The following ITPR3 variants were observed in gnomAD, a reference collection of about 807,000 sequenced individuals.
The protein encoded by ITPR3 is inositol 1,4,5-trisphosphate receptor type 3, also known as inositol 1,4,5-trisphosphate-gated calcium channel ITPR3.
Under a neutral mutation model 293.2 loss-of-function variants are expected in ITPR3, and 173 were observed. The observed-to-expected ratio is 0.59, with a 90% CI of 0.52 to 0.67. ITPR3 has a LOEUF of 0.67. Among genes scored for constraint, ITPR3 ranks in the 30% least tolerant of loss-of-function variants. The probability of loss-of-function intolerance (pLI) is 0.00; values close to 1 mark genes in which losing one functional copy is unlikely to be tolerated. For synonymous variants in ITPR3, 1,295 were observed against 1,444.4 expected (o/e 0.90, Z 2.35); for missense variants, 2,796 against 3,592.1 (o/e 0.78, Z 5.66).
Position 33,672,848 on chromosome 6 carries a change from G to T in ITPR3, c.2928+620G>T, listed in dbSNP as rs1418521189. On this transcript the variant is annotated intron_variant, in intron 22 of 57. Transcript: ENST00000605930. This position sits in a 1 kb window ranked among gnomAD's most constrained non-coding sequence, Gnocchi z 5.0. ...CCTATTTCTTGGCAAGGTGGATGCA[G>T]TCATCCCTGTTGTGGTCTCATCTGA... 2.6e-5 allele frequency among the ~76,000 whole-genome samples: 4 copies of T among 152,184 alleles called. No homozygotes were observed. Among genetic ancestry groups the T allele is most frequent in the African/African-American group, 9.7e-5 (4 of 41,440 alleles).
rs7752472 is a variant in ITPR3 at position 33,655,444 on chromosome 6, C to G, written c.161-322C>G. On this transcript the variant is annotated intron_variant, in intron 2 of 57. Coordinates refer to ENST00000605930, the MANE Select transcript of ITPR3 (RefSeq NM_002224.4). The surrounding 1 kb of genome is among the most constrained non-coding windows in gnomAD (Gnocchi z 4.9). ...GTGAGCTGTTAGCTGCCAATACTCA[C>G]AAAAGCTGGGCACAGACATGGCATA... Among the ~76,000 whole-genome samples the G allele has an allele frequency of 0.047, 7,149 of 152,236 alleles. 221 individuals carry two copies. Among genetic ancestry groups the G allele is most frequent in the East Asian group, 0.14 (735 of 5,172 alleles).
intron 28 of ITPR3, among the ~76,000 whole-genome samples, chr6:33,677,928 G>A (rs1033012243): frequency 6.6e-6 from 1 of 152,000 alleles, no homozygotes; most frequent in African/African-American, 2.4e-5. Context: ...GATAATCTCA[G>A]CTTCATCTCA....
Position 33,666,143 on chromosome 6 carries a change from C to T in ITPR3, c.1551+167C>T, listed in dbSNP as rs1345604084. Among the ~76,000 whole-genome samples, 3 of 152,208 alleles carry T rather than the reference C, an allele frequency of 2.0e-5. No individual in the cohort carries two copies. The highest frequency in any genetic ancestry group is 2.1e-4 in the South Asian group (1 of 4,834). On this transcript the variant is annotated intron_variant, in intron 14 of 57. Coordinates refer to ENST00000605930, the MANE Select transcript of ITPR3 (RefSeq NM_002224.4). This position sits in a 1 kb window ranked among gnomAD's most constrained non-coding sequence, Gnocchi z 5.1. ...CACATGTGTTGACGAATTTGATCCTCACTGCCTGGAGGAGGCGCCGTGATT... is the reference window on the plus strand; with the variant it reads ...CACATGTGTTGACGAATTTGATCCTTACTGCCTGGAGGAGGCGCCGTGATT...
chr6:33,648,177 C>A (rs971434945), intron 2 of ITPR3, among the ~76,000 whole-genome samples: 6 of 151,836 alleles, frequency 4.0e-5, no homozygotes, highest in African/African-American at 1.5e-4. Context: ...GCCATCCTCC[C>A]ACCTCAGCCT....
Position 33,684,968 on chromosome 6 carries a change from A to G in ITPR3, c.5307+25A>G, listed in dbSNP as rs1334203491. On this transcript the variant is annotated intron_variant, in intron 39 of 57. Coordinates refer to ENST00000605930, the MANE Select transcript of ITPR3 (RefSeq NM_002224.4). This position sits in a 1 kb window ranked among gnomAD's most constrained non-coding sequence, Gnocchi z 4.2. ...GGTGTGGGGGGCCTGGGGCCTGGAC[A>G]TGCCCTCCTTTGCCTCCCTCCCTTT... 2 of 1,585,760 alleles carry G rather than the reference A, an allele frequency of 1.3e-6. No homozygotes were observed. The highest frequency in any genetic ancestry group is 2.2e-5 in the East Asian group (1 of 44,528).
chr6:33,659,010 T>TG lies in ITPR3; in HGVS notation c.529-10dup. The TG allele has an allele frequency of 6.2e-7, 1 of 1,614,010 alleles. No homozygotes were observed. ...CCCTTCCCACCTAACCTGTCCCACC[T>TG]GTCTGCTCAGGTGGTCGTGGGGGAC... On this transcript the variant is annotated splice_polypyrimidine_tract_variant and intron_variant, in intron 5 of 57. Transcript: ENST00000605930.
Position 33,663,857 on chromosome 6 carries a change from GA to G in ITPR3, c.1129del (p.Thr377ProfsTer132). ...LFELDPTTLQKTDSFVPRNSY... is the reference protein window; with the variant it reads ...LFELDPTTLQXTDSFVPRNSY... ...TTGAGCTGGACCCCACCACCTTGCA[GA>G]AAACCGACTCTTTCGTGCCCCGGTG... On this transcript the variant is annotated frameshift_variant, in exon 11 of 58. Transcript: ENST00000605930. LOFTEE classifies it high-confidence loss of function. The G allele has an allele frequency of 6.2e-7, 1 of 1,614,112 alleles. No homozygotes were observed. Among genetic ancestry groups the G allele is most frequent in the Non-Finnish European group, 8.5e-7 (1 of 1,179,976 alleles).
rs1764715844 is a variant in ITPR3, at chr6:33,670,111, T to C, written c.2190-214T>C. Among the ~76,000 whole-genome samples the C allele has an allele frequency of 6.6e-6, 1 of 152,182 alleles. No homozygotes were observed. Among genetic ancestry groups the C allele is most frequent in the African/African-American group, 2.4e-5 (1 of 41,442 alleles). On this transcript the variant is annotated intron_variant, in intron 18 of 57. Coordinates refer to ENST00000605930, the MANE Select transcript of ITPR3 (RefSeq NM_002224.4). This position sits in a 1 kb window ranked among gnomAD's most constrained non-coding sequence, Gnocchi z 6.7. ...ACGTCCCTCTTCCCATGAAGACCTGTCCTGGCTGAGCCTTAGCCAGGAGGG... is the reference window on the plus strand; with the variant it reads ...ACGTCCCTCTTCCCATGAAGACCTGCCCTGGCTGAGCCTTAGCCAGGAGGG...
At position 33,634,233 on chromosome 6, in the gene ITPR3, T is replaced by TTTA. The variant is rs754061452; in HGVS notation, c.90-6249_90-6247dup. Among the ~76,000 whole-genome samples the TTTA allele has an allele frequency of 4.0e-5, 6 of 149,730 alleles. No homozygotes were observed. The East Asian group carries it at 5.9e-4, about 15-fold the overall frequency. On this transcript the variant is annotated intron_variant, in intron 1 of 57. Coordinates refer to ENST00000605930, the MANE Select transcript of ITPR3 (RefSeq NM_002224.4). Reference sequence around the variant, plus strand: ...CAAACATCTGCCCAGGGCCACCTTCTTTATCTACACACACCAGGTGGGGGC... The same window carrying TTTA: ...CAAACATCTGCCCAGGGCCACCTTCTTTATTATCTACACACACCAGGTGGGGGC...
At chr6:33,694,881 G>A in intron 56 of ITPR3, 43 bp from the exon 57 acceptor site, 1 of 1,613,440 alleles carries the variant, frequency 6.2e-7, no homozygotes, top group Non-Finnish European at 8.5e-7. Flanking sequence ...GGCCTTTCTA[G>A]GCCGGGCCCA....
At chr6:33,652,031 C>T (rs1164537771) in intron 2 of ITPR3, among the ~76,000 whole-genome samples, 1 of 152,150 alleles carries the variant, frequency 6.6e-6, no homozygotes. Flanking sequence ...AAGTAGCTGA[C>T]AATCCCCAGG....
In ITPR3 at chr6:33,687,660, A is replaced by G. The variant is rs1174492704; in HGVS notation, c.6264+96A>G. Reference sequence around the variant, plus strand: ...GTGGCCTGGAACAGAGTGAGGCCCTAGAATATGAGCCAGGCTAGAATTTGG... The same window carrying G: ...GTGGCCTGGAACAGAGTGAGGCCCTGGAATATGAGCCAGGCTAGAATTTGG... On this transcript the variant is annotated intron_variant, in intron 46 of 57. Coordinates refer to ENST00000605930, the MANE Select transcript of ITPR3 (RefSeq NM_002224.4). This position sits in a 1 kb window ranked among gnomAD's most constrained non-coding sequence, Gnocchi z 5.3. 1.0e-6 allele frequency: 1 copy of G among 978,770 alleles called. No individual in the cohort carries two copies. 60.6% of individuals were successfully genotyped at this position (978,770 alleles called of 1,614,324 possible). A position where few individuals can be genotyped will look rare whatever the true frequency, so the allele number is the denominator to read the frequency against.
rs1441809502 is a variant in ITPR3, at chr6:33,667,152, G to A, written c.1575G>A (p.Pro525=). The part of the protein sequence containing the change: ...LKQVFGILKA[P]FREKGGEGPL... Reference sequence around the variant, plus strand: ...AGGTCTTTGGCATTCTGAAGGCCCCGTTCCGTGAGAAGGGGGGTGAAGGTC... The same window carrying A: ...AGGTCTTTGGCATTCTGAAGGCCCCATTCCGTGAGAAGGGGGGTGAAGGTC... The change falls in exon 15 of 58, where the codon CCG becomes CCA. Residue 525 remains proline, a synonymous_variant. Transcript: ENST00000605930. The surrounding 1 kb of genome is among the most constrained non-coding windows in gnomAD (Gnocchi z 4.4). 7 of 1,614,140 alleles carry A rather than the reference G, an allele frequency of 4.3e-6. No homozygotes were observed. The highest frequency in any genetic ancestry group is 3.3e-4 in the Middle Eastern group (2 of 6,062).
At position 33,670,379 on chromosome 6, in the gene ITPR3, C is replaced by T. The variant is rs772253428; in HGVS notation, c.2244C>T (p.Ile748=). 6.2e-6 allele frequency: 10 copies of T among 1,613,990 alleles called. No individual in the cohort carries two copies. The Admixed American group carries it at 1.0e-4, about 16-fold the overall frequency. The change falls in exon 19 of 58, where the codon ATC becomes ATT. Residue 748 remains isoleucine, a synonymous_variant. Coordinates refer to ENST00000605930, the MANE Select transcript of ITPR3 (RefSeq NM_002224.4). This position sits in a 1 kb window ranked among gnomAD's most constrained non-coding sequence, Gnocchi z 6.7. ...GCTTGGACCGCCAGTACTTGGCCATCGACGAGATCTCCCAGCAGCTGGGCG... is the reference window on the plus strand; with the variant it reads ...GCTTGGACCGCCAGTACTTGGCCATTGACGAGATCTCCCAGCAGCTGGGCG... ...RMCLDRQYLA[I]DEISQQLGVD... is the part of the protein sequence containing the mutation.
chr6:33,684,745 G>A lies in ITPR3; in HGVS notation c.5138-29G>A, dbSNP rs748906919. 1 of 1,610,144 alleles carries A rather than the reference G, an allele frequency of 6.2e-7. No homozygotes were observed. The highest frequency in any genetic ancestry group is 1.7e-5 in the Admixed American group (1 of 59,878). ...TCCCTTCCACTCTCCTGTCACACCAGCTCTCCCTCAACCGAGTCCCGCCTC... is the reference window on the plus strand; with the variant it reads ...TCCCTTCCACTCTCCTGTCACACCAACTCTCCCTCAACCGAGTCCCGCCTC... On this transcript the variant is annotated intron_variant, in intron 38 of 57. Transcript: ENST00000605930. The surrounding 1 kb of genome is among the most constrained non-coding windows in gnomAD (Gnocchi z 4.2).
At position 33,667,314 on chromosome 6, in the gene ITPR3, A is replaced by G. The variant is rs775261832; in HGVS notation, c.1713+24A>G. ...AGGTGCGCCGCTGCCCTGCTGGCCC[A>G]CTCGCTGGCTGCACGTTCCTTCCTC... On this transcript the variant is annotated intron_variant, in intron 15 of 57. Transcript: ENST00000605930. The surrounding 1 kb of genome is among the most constrained non-coding windows in gnomAD (Gnocchi z 4.4). 1.9e-6 allele frequency: 3 copies of G among 1,604,752 alleles called. No individual in the cohort carries two copies. The highest frequency in any genetic ancestry group is 4.5e-5 in the East Asian group (2 of 44,536).
Position 33,692,171 on chromosome 6 carries a change from TA to T in ITPR3, c.7458+244del, listed in dbSNP as rs930246171. ...TGGCAACCAAACTTTGCCCCAGGGC[TA>T]GGGATGGTGACCACTGGCTTTCCTA... On this transcript the variant is annotated intron_variant, in intron 54 of 57. Transcript: ENST00000605930. The surrounding 1 kb of genome is among the most constrained non-coding windows in gnomAD (Gnocchi z 4.2). Among the ~76,000 whole-genome samples the T allele has an allele frequency of 5.3e-5, 8 of 152,234 alleles. No homozygotes were observed. Among genetic ancestry groups the T allele is most frequent in the African/African-American group, 1.9e-4 (8 of 41,462 alleles).
intron 2 of ITPR3, among the ~76,000 whole-genome samples, chr6:33,648,459 C>G (rs776080252): frequency 4.6e-4 from 70 of 152,222 alleles, no homozygotes; most frequent in Non-Finnish European, 8.4e-4. Context: ...TCCATTGCCC[C>G]CCTCATCCTC....
At chr6:33,659,637 C>T in intron 7 of ITPR3, 88 bp downstream of exon 7, 1 of 1,130,302 alleles carries the variant, frequency 8.8e-7, no homozygotes, top group Admixed American at 1.8e-5. Context: ...CCCGCCAGGC[C>T]TCAGGCCCTT....
Sources: allele counts gnomAD v4.1 joint callset (sites outside exome capture counted in the v4.1 genomes callset), GRCh38; gene constraint gnomAD v4.1.1; non-coding constraint Gnocchi (gnomAD v3.1); transcripts MANE v1.5; gene names NCBI Gene and HGNC (gene_info 2026-07-23, HGNC 2026-07-21).